TAF3: variants seen among roughly 807,000 people sequenced by gnomAD.
TAF3 encodes the protein TATA-box binding protein associated factor 3, also known as transcription initiation factor TFIID subunit 3.
In TAF3, 7 loss-of-function variants were observed where a neutral mutation model predicts 80.6. That is an observed-to-expected ratio of 0.09 (90% CI 0.05 to 0.16). TAF3 has a LOEUF of 0.16. TAF3 is among the 10% of genes least tolerant of loss of function. TAF3 has a pLI of 1.00. For missense variants in TAF3, 921 were observed against 1,140.2 expected (o/e 0.81, Z 2.77); for synonymous variants, 444 against 446.1 (o/e 1.00, Z 0.06).
intron 2 of TAF3, among the ~76,000 whole-genome samples, chr10:7,852,187 A>G (rs1837033362): frequency 6.6e-6 from 1 of 152,094 alleles, no homozygotes; most frequent in Non-Finnish European, 1.5e-5. Context: ...TGGGCTCAAG[A>G]GATCCTCTTG....
At chr10:7,957,011 G>A (rs1005109961) in intron 2 of TAF3, among the ~76,000 whole-genome samples, 2 of 151,996 alleles carry the variant, frequency 1.3e-5, no homozygotes, top group Admixed American at 6.6e-5. Context: ...ATTCTTTGAT[G>A]AATGAGAGTT....
At chr10:7,924,917 A>T (rs1306515267) in intron 2 of TAF3, among the ~76,000 whole-genome samples, 1 of 152,204 alleles carries the variant, frequency 6.6e-6, no homozygotes, top group Non-Finnish European at 1.5e-5. Flanking sequence ...TAAGGGTTCT[A>T]CTTTTGGGGT....
chr10:7,836,912 G>GT lies in TAF3; in HGVS notation c.409+12356dup, dbSNP rs1190609865. ...TTACCAAAAATACCTATGGAGAGGA[G>GT]TTTTCTTTTTTGCATCAAAATGAAA... is the stretch of plus-strand genomic sequence containing the variant. On this transcript the variant is annotated intron_variant, in intron 2 of 6. Coordinates refer to ENST00000344293, the MANE Select transcript of TAF3 (RefSeq NM_031923.4). Among the ~76,000 whole-genome samples the GT allele has an allele frequency of 2.6e-5, 4 of 152,318 alleles. No homozygotes were observed. In the East Asian group the frequency reaches 7.7e-4, roughly 29 times the overall value.
intron 2 of TAF3, among the ~76,000 whole-genome samples, chr10:7,881,787 T>G (rs1394746705): frequency 6.6e-6 from 1 of 152,240 alleles, no homozygotes; most frequent in Non-Finnish European, 1.5e-5. Flanking sequence ...CTTCCAACTT[T>G]CAATTTCCTT....
chr10:7,844,623 G>C (rs1210616518), intron 2 of TAF3, among the ~76,000 whole-genome samples: 4 of 152,062 alleles, frequency 2.6e-5, no homozygotes, highest in Non-Finnish European at 5.9e-5. Flanking sequence ...TGATCCGCCT[G>C]CCTCGGCCTT....
At chr10:7,842,765 A>G (rs1211034724) in intron 2 of TAF3, among the ~76,000 whole-genome samples, 1 of 152,176 alleles carries the variant, frequency 6.6e-6, no homozygotes, top group Non-Finnish European at 1.5e-5. Flanking sequence ...TGGGAATAGT[A>G]ACCTCCATTG....
intron 2 of TAF3, among the ~76,000 whole-genome samples, chr10:7,845,405 C>G (rs927349987): frequency 6.6e-6 from 1 of 152,108 alleles, no homozygotes; most frequent in African/African-American, 2.4e-5. Flanking sequence ...AATTAAGTCA[C>G]TTACTATATG....
At chr10:7,912,126 G>A (rs1384004301) in intron 2 of TAF3, among the ~76,000 whole-genome samples, 1 of 152,146 alleles carries the variant, frequency 6.6e-6, no homozygotes, top group African/African-American at 2.4e-5. Flanking sequence ...TCATCATCCA[G>A]GAAAGATGTC....
intron 4 of TAF3, among the ~76,000 whole-genome samples, chr10:8,008,362 G>A (rs1261336739): frequency 6.6e-6 from 1 of 152,098 alleles, no homozygotes; most frequent in Non-Finnish European, 1.5e-5. Flanking sequence ...GCCTCCCAGA[G>A]TGCTAGGATT....
In TAF3 at chr10:7,965,446, A is replaced by G; in HGVS notation, c.1936A>G (p.Lys646Glu). 6.2e-7 allele frequency: 1 copy of G among 1,613,616 alleles called. No homozygotes were observed. Among genetic ancestry groups the G allele is most frequent in the Non-Finnish European group, 8.5e-7 (1 of 1,179,924 alleles). The stretch of plus-strand genomic sequence containing the variant: ...AGTGAAAGATAAAGGCAGAGAAGAT[A>G]AGATGAAAGCCCCAGCACCCCCACT... ...EKVKDKGREDKMKAPAPPLVL... is the reference protein window; with the variant it reads ...EKVKDKGREDEMKAPAPPLVL... Residue 646 changes from lysine to glutamate, a missense_variant, in exon 3 of 7, where the codon AAG (lysine) becomes GAG (glutamate). Coordinates refer to ENST00000344293, the MANE Select transcript of TAF3 (RefSeq NM_031923.4).
intron 2 of TAF3, among the ~76,000 whole-genome samples, chr10:7,902,930 TTAAAAA>T (rs1837573231): frequency 2.0e-5 from 3 of 152,112 alleles, no homozygotes; most frequent in Non-Finnish European, 1.5e-5. Context: ...TATTTAATGT[TTAAAAA>T]TAATAAAGTC....
Position 7,824,368 on chromosome 10 carries a change from A to G in TAF3, c.217A>G (p.Met73Val). The G allele has an allele frequency of 6.2e-7, 1 of 1,614,132 alleles. No individual in the cohort carries two copies. The highest frequency in any genetic ancestry group is 8.5e-7 in the Non-Finnish European group (1 of 1,180,014). Reference sequence around the variant, plus strand: ...TGATGTTGGTGAAGCTTTCCAGCTGATGGGGGTTAGTCTACATGAACTAGA... The same window carrying G: ...TGATGTTGGTGAAGCTTTCCAGCTGGTGGGGGTTAGTCTACATGAACTAGA... ...LDDVGEAFQL[M>V]GVSLHELEDY... The change falls in exon 2 of 7, where the codon ATG (methionine) becomes GTG (valine). Residue 73 changes from methionine to valine, a missense_variant. By Grantham distance (21) the Met-to-Val change is conservative (BLOSUM62 1). Coordinates refer to ENST00000344293, the MANE Select transcript of TAF3 (RefSeq NM_031923.4).
At chr10:7,989,418 A>G (rs1172975184) in intron 4 of TAF3, among the ~76,000 whole-genome samples, 1 of 152,208 alleles carries the variant, frequency 6.6e-6, no homozygotes, top group African/African-American at 2.4e-5. Context: ...CATTGGGTTT[A>G]CTTATATATA....
At chr10:7,975,119 C>T (rs181120039) in intron 3 of TAF3, 232 of 261,266 alleles carry the variant, frequency 8.9e-4, no homozygotes, top group African/African-American at 5.4e-3. Context: ...ATTCGTGGAA[C>T]AGAAAGACTG....
intron 2 of TAF3, among the ~76,000 whole-genome samples, chr10:7,865,811 C>T (rs1837208543): frequency 6.6e-6 from 1 of 152,236 alleles, no homozygotes; most frequent in Non-Finnish European, 1.5e-5. Flanking sequence ...CAAGGACTCT[C>T]CCGTCACCTC....
intron 6 of TAF3, 60 bp from the exon 7 acceptor site, chr10:8,014,577 A>T (rs1305131577): frequency 1.4e-6 from 2 of 1,418,796 alleles, no homozygotes; most frequent in Admixed American, 2.3e-5. Context: ...TAAAACATGG[A>T]AGGGAGAAGA....
chr10:7,834,987 A>G (rs956499637), intron 2 of TAF3, among the ~76,000 whole-genome samples: 3 of 152,162 alleles, frequency 2.0e-5, no homozygotes, highest in Admixed American at 6.5e-5. Flanking sequence ...ATAGAACATT[A>G]TAGGTTCATC....
chr10:7,897,051 G>A (rs1837511249), intron 2 of TAF3, among the ~76,000 whole-genome samples: 1 of 152,202 alleles, frequency 6.6e-6, no homozygotes, highest in Non-Finnish European at 1.5e-5. Flanking sequence ...CAAGCCAGCA[G>A]TGACTTGTCA....
chr10:7,896,635 C>CTT (rs988338633), intron 2 of TAF3, among the ~76,000 whole-genome samples: 4 of 152,218 alleles, frequency 2.6e-5, no homozygotes, highest in Admixed American at 2.0e-4. Context: ...AAAATAGATA[C>CTT]TTTTTCCTTC....
Sources: gnomAD v4.1 joint callset for allele counts (sites outside exome capture counted in the v4.1 genomes callset) on GRCh38, gnomAD v4.1.1 for gene constraint, MANE v1.5 for transcripts, NCBI Gene and HGNC (gene_info 2026-07-23, HGNC 2026-07-21) for gene names.